ZNF503: variants seen among roughly 807,000 people sequenced by gnomAD.
The protein encoded by ZNF503 is zinc finger protein 503, also known as NocA-like zinc finger 2.
Under a neutral mutation model 34.4 loss-of-function variants are expected in ZNF503, and 15 were observed. That is an observed-to-expected ratio of 0.44 (90% confidence interval 0.29 to 0.67). ZNF503 has a LOEUF of 0.67. Among genes scored for constraint, ZNF503 ranks in the 30% least tolerant of loss-of-function variants. The probability of loss-of-function intolerance (pLI) is 0.13; values close to 1 mark genes in which losing one functional copy is unlikely to be tolerated. For missense variants in ZNF503, 1,007 were observed against 926.8 expected (o/e 1.09, Z -1.12); for synonymous variants, 580 against 456.8 (o/e 1.27, Z -3.44).
chr10:75,282,294 A>G, the ZNF503 span, among the ~76,000 whole-genome samples: 113 of 152,322 alleles, frequency 7.4e-4, 1 homozygote, highest in African/African-American at 2.4e-3. Flanking sequence ...CCTCTTCCCA[A>G]ATAAAAAGAC....
At chr10:75,308,312 A>G in the ZNF503 span, among the ~76,000 whole-genome samples, 2 of 151,832 alleles carry the variant, frequency 1.3e-5, no homozygotes, top group Non-Finnish European at 2.9e-5. Context: ...TACTGCTCAG[A>G]AAAAAAGATT....
chr10:75,364,058 C>T, the ZNF503 span, among the ~76,000 whole-genome samples: 1 of 152,162 alleles, frequency 6.6e-6, no homozygotes, highest in Admixed American at 6.6e-5. Context: ...TATTGAAATA[C>T]ATATTTTATT....
the ZNF503 span, among the ~76,000 whole-genome samples, chr10:75,391,742 T>A: frequency 6.6e-6 from 1 of 152,178 alleles, no homozygotes; most frequent in Non-Finnish European, 1.5e-5. Flanking sequence ...CTTTTGTTTT[T>A]TTTTCTTTCC....
chr10:75,384,173 G>A, the ZNF503 span, among the ~76,000 whole-genome samples: 1 of 152,000 alleles, frequency 6.6e-6, no homozygotes, highest in South Asian at 2.1e-4. Context: ...TGTGGTGGGC[G>A]CTCCTGTCTG....
chr10:75,313,559 T>C, the ZNF503 span, among the ~76,000 whole-genome samples: 1 of 152,166 alleles, frequency 6.6e-6, no homozygotes, highest in African/African-American at 2.4e-5. Flanking sequence ...AGGCTAGGAA[T>C]AGGAAGGAGA....
rs1843735367 is a variant in ZNF503 at position 75,398,706 on chromosome 10, T to C, written c.*43A>G. On this transcript the variant is annotated 3_prime_UTR_variant, in exon 2 of 2. Coordinates refer to ENST00000372524, the MANE Select transcript of ZNF503 (RefSeq NM_032772.6). ...CCCGCCTCTCCCTGGACTCCTCCCC[T>C]CCCCCTCTCCCTCCTCTCCCTCGCT... 4.5e-6 allele frequency: 6 copies of C among 1,344,076 alleles called. No homozygotes were observed. The East Asian group carries it at 1.4e-4, about 32-fold the overall frequency. 83.3% of individuals were successfully genotyped at this position (1,344,076 alleles called of 1,614,324 possible).
chr10:75,362,290 A>G, the ZNF503 span, among the ~76,000 whole-genome samples: 1 of 152,062 alleles, frequency 6.6e-6, no homozygotes, highest in South Asian at 2.1e-4. Flanking sequence ...GCACTCTGCA[A>G]AGGGGTTTTA....
Position 75,398,795 on chromosome 10 carries a change from A to G in ZNF503, c.1895T>C (p.Leu632Pro). ...ATGPYYSPYA[L>P]YGQRLTTASA... ...GGCGGTGGTCAGTCTCTGTCCGTAG[A>G]GGGCGTAGGGGGAGTAGTACGGTCC... is the stretch of plus-strand genomic sequence containing the variant. Residue 632 changes from leucine (L) to proline (P), a missense_variant, in exon 2 of 2, where the codon CTC becomes CCC. Transcript: ENST00000372524. 1 of 1,465,742 alleles carries G rather than the reference A, an allele frequency of 6.8e-7. No individual in the cohort carries two copies. The highest frequency in any genetic ancestry group is 9.0e-7 in the Non-Finnish European group (1 of 1,113,776). 90.8% of individuals were successfully genotyped at this position (1,465,742 alleles called of 1,614,324 possible).
chr10:75,351,943 G>A, the ZNF503 span, among the ~76,000 whole-genome samples: 6 of 152,116 alleles, frequency 3.9e-5, no homozygotes, highest in African/African-American at 1.2e-4. Flanking sequence ...GAGTTTATAG[G>A]TTGAATAACA....
chr10:75,394,851 C>T (rs971249361), downstream of ZNF503, among the ~76,000 whole-genome samples: 1 of 152,166 alleles, frequency 6.6e-6, no homozygotes, highest in Non-Finnish European at 1.5e-5. Flanking sequence ...AGAAGCTGGT[C>T]CTTCTTCAGC....
downstream of ZNF503, among the ~76,000 whole-genome samples, chr10:75,393,455 G>C (rs1022021448): frequency 2.0e-5 from 3 of 152,170 alleles, no homozygotes; most frequent in African/African-American, 7.2e-5. Context: ...GAGTTGGAGG[G>C]GGTAGCGAGG....
the ZNF503 span, among the ~76,000 whole-genome samples, chr10:75,353,619 C>T: frequency 6.6e-6 from 1 of 152,200 alleles, no homozygotes; most frequent in African/African-American, 2.4e-5. Flanking sequence ...CAGTCCCATC[C>T]TTTGCAGTTT....
downstream of ZNF503, among the ~76,000 whole-genome samples, chr10:75,393,611 C>A (rs1843667097): frequency 6.6e-6 from 1 of 152,194 alleles, no homozygotes; most frequent in African/African-American, 2.4e-5. Context: ...GTAATCCCAG[C>A]ACTTTAAGAG....
the ZNF503 span, among the ~76,000 whole-genome samples, chr10:75,344,356 C>G: frequency 1.3e-5 from 2 of 152,174 alleles, no homozygotes; most frequent in African/African-American, 2.4e-5. Context: ...TGTGCCTAGC[C>G]CCAGACAAGA....
chr10:75,382,558 C>T, the ZNF503 span: 1 of 496,184 alleles, frequency 2.0e-6, no homozygotes, highest in African/African-American at 2.1e-5. Context: ...GTGTCTCTTT[C>T]TCCTTCCCAG....
chr10:75,288,258 T>TTGA, the ZNF503 span: 2 of 152,380 alleles, frequency 1.3e-5, no homozygotes, highest in Non-Finnish European at 2.9e-5. Flanking sequence ...CAGCCAAGGT[T>TTGA]TGACCAAGGT....
chr10:75,300,255 C>T, the ZNF503 span, among the ~76,000 whole-genome samples: 6 of 152,198 alleles, frequency 3.9e-5, no homozygotes, highest in East Asian at 1.9e-4. Context: ...CCTGGCTCAC[C>T]GGCGGTCAGA....
the ZNF503 span, among the ~76,000 whole-genome samples, chr10:75,391,464 G>A: frequency 9.8e-5 from 15 of 152,310 alleles, no homozygotes; most frequent in South Asian, 2.1e-4. Context: ...CTTGGTGACC[G>A]AGGGCTCCCC....
the ZNF503 span, among the ~76,000 whole-genome samples, chr10:75,371,866 A>G: frequency 6.6e-6 from 1 of 152,196 alleles, no homozygotes; most frequent in Non-Finnish European, 1.5e-5. Context: ...TACCTCTGCC[A>G]CTGTCTGCTC....
Sources: allele counts gnomAD v4.1 joint callset (sites outside exome capture counted in the v4.1 genomes callset), GRCh38; gene constraint gnomAD v4.1.1; transcripts MANE v1.5; gene names NCBI Gene and HGNC (gene_info 2026-07-23, HGNC 2026-07-21).